Variants in GLIS3 observed in about 807,000 individuals in gnomAD.
GLIS3 encodes the protein zinc finger protein GLIS3.
Under a neutral mutation model 78.6 loss-of-function variants are expected in GLIS3, and 53 were observed. That is an observed-to-expected ratio of 0.67 (90% confidence interval 0.54 to 0.85). The LOEUF (loss-of-function observed/expected upper bound fraction) is 0.85. GLIS3 is among the 40% of genes least tolerant of loss of function. GLIS3 has a pLI of 0.00. For synonymous variants in GLIS3, 684 were observed against 509.9 expected, an observed-to-expected ratio of 1.34 and a Z score of -4.60; for missense variants, 1,703 against 1,231.1, an observed-to-expected ratio of 1.38 and a Z score of -5.74.
In GLIS3 at chr9:4,095,546, G is replaced by A. The variant is rs149598194; in HGVS notation, c.1710+22222C>T. 5.7e-3 allele frequency among the ~76,000 whole-genome samples: 869 copies of A among 152,272 alleles called. 9 individuals carry two copies. The highest frequency in any genetic ancestry group is 0.015 in the African/African-American group (636 of 41,536). The stretch of plus-strand genomic sequence containing the variant: ...TAAGGATTACTGAATGATGGGTCAA[G>A]CTATATTAGAAGAGGAAGAGTCTGG... On this transcript the variant is annotated intron_variant, in intron 4 of 10. Transcript: ENST00000381971.
At chr9:4,152,243 AC>A (rs1834739769) in intron 2 of GLIS3, 1 of 360,506 alleles carries the variant, frequency 2.8e-6, no homozygotes, top group African/African-American at 2.2e-5. Context: ...GTGACTGGGA[AC>A]CTTTGTGAGG....
At chr9:3,902,418 G>C (rs1419955182) in intron 6 of GLIS3, among the ~76,000 whole-genome samples, 1 of 152,162 alleles carries the variant, frequency 6.6e-6, no homozygotes, top group African/African-American at 2.4e-5. Context: ...AGAATCTCTT[G>C]GGAGGGGTGT....
rs751026026 is a variant in GLIS3 at position 4,299,732 on chromosome 9, TACACACAC to T, written c.-418_-411del. On this transcript the variant is annotated 5_prime_UTR_variant, in exon 1 of 11. Coordinates refer to ENST00000381971, the MANE Select transcript of GLIS3 (RefSeq NM_001042413.2). ...AGCTCATTCTCCCCTGCTACACACATACACACACAAATAATGTTTCTAAAAAGTTCAGT... is the reference window on the plus strand; with the variant it reads ...AGCTCATTCTCCCCTGCTACACACATAAATAATGTTTCTAAAAAGTTCAGT... 1 of 152,266 alleles carries T rather than the reference TACACACAC, an allele frequency of 6.6e-6. No individual in the cohort carries two copies. The highest frequency in any genetic ancestry group is 1.5e-5 in the Non-Finnish European group (1 of 68,094). The allele number at this position is 152,266 out of a possible 1,614,324, so 9.4% of individuals were successfully genotyped here.
the GLIS3 span, among the ~76,000 whole-genome samples, chr9:4,395,531 C>G: frequency 6.6e-6 from 1 of 152,140 alleles, no homozygotes; most frequent in Non-Finnish European, 1.5e-5. Flanking sequence ...CCTGCAACTC[C>G]TGAGTCATTT....
chr9:4,354,912 C>G, the GLIS3 span, among the ~76,000 whole-genome samples: 4 of 152,008 alleles, frequency 2.6e-5, no homozygotes, highest in Non-Finnish European at 4.4e-5. Flanking sequence ...GTCAGGAGAT[C>G]GAGACCATCC....
At chr9:4,472,545 G>C in the GLIS3 span, among the ~76,000 whole-genome samples, 3 of 151,392 alleles carry the variant, frequency 2.0e-5, no homozygotes, top group Non-Finnish European at 4.4e-5. Context: ...CTCATAAGTG[G>C]GAACTGAACA....
chr9:4,028,443 T>C (rs186296983), intron 4 of GLIS3, among the ~76,000 whole-genome samples: 6 of 152,146 alleles, frequency 3.9e-5, no homozygotes, highest in Non-Finnish European at 8.8e-5. Context: ...CAAGAGCATA[T>C]AGGACACTGA....
At chr9:4,314,776 C>T (rs1405672683) in intron 2 of GLIS3, among the ~76,000 whole-genome samples, 1 of 152,196 alleles carries the variant, frequency 6.6e-6, no homozygotes, top group Non-Finnish European at 1.5e-5. Context: ...GGATTTTGGG[C>T]AAGTTCCTTT....
chr9:4,395,568 C>T, the GLIS3 span, among the ~76,000 whole-genome samples: 1 of 152,082 alleles, frequency 6.6e-6, no homozygotes, highest in Non-Finnish European at 1.5e-5. Context: ...GAAGGTGATA[C>T]CTCTCCTTCG....
the GLIS3 span, among the ~76,000 whole-genome samples, chr9:4,485,964 C>T: frequency 1.1e-4 from 16 of 152,168 alleles, no homozygotes; most frequent in African/African-American, 3.4e-4. Context: ...CTCAGGAATC[C>T]ACCCCCCTTG....
the GLIS3 span, among the ~76,000 whole-genome samples, chr9:4,409,352 G>A: frequency 9.9e-5 from 15 of 152,214 alleles, no homozygotes; most frequent in East Asian, 3.9e-4. Context: ...GAAATGGGAC[G>A]TCAGAATAAT....
At chr9:4,102,954 A>G (rs1278219332) in intron 4 of GLIS3, among the ~76,000 whole-genome samples, 2 of 152,122 alleles carry the variant, frequency 1.3e-5, no homozygotes, top group Non-Finnish European at 2.9e-5. Flanking sequence ...GAGGCAATAG[A>G]AAGGAAAAAT....
chr9:4,452,667 A>T, the GLIS3 span, among the ~76,000 whole-genome samples: 26 of 152,218 alleles, frequency 1.7e-4, no homozygotes, highest in African/African-American at 6.3e-4. Flanking sequence ...AGGAAATAAG[A>T]GAGGACACAA....
intron 2 of GLIS3, among the ~76,000 whole-genome samples, chr9:4,245,059 C>T (rs1298964623): frequency 4.6e-5 from 7 of 152,202 alleles, no homozygotes; most frequent in African/African-American, 1.7e-4. Flanking sequence ...CATCAAAAGA[C>T]TGGTAAATAA....
intron 9 of GLIS3, among the ~76,000 whole-genome samples, chr9:3,844,306 A>G (rs1228592513): frequency 4.6e-5 from 7 of 152,310 alleles, no homozygotes; most frequent in Non-Finnish European, 1.0e-4. Context: ...CCATATTTAT[A>G]AGGGTAATTC....
intron 4 of GLIS3, among the ~76,000 whole-genome samples, chr9:4,084,657 C>T (rs924458806): frequency 2.0e-5 from 3 of 152,186 alleles, no homozygotes; most frequent in African/African-American, 7.2e-5. Flanking sequence ...TTACCACACA[C>T]TGCTCTTTGT....
intron 2 of GLIS3, among the ~76,000 whole-genome samples, chr9:4,227,504 C>G (rs1821875083): frequency 6.6e-6 from 1 of 152,018 alleles, no homozygotes; most frequent in Non-Finnish European, 1.5e-5. Flanking sequence ...TTCTCTGGGC[C>G]AAAGAATACT....
At chr9:4,302,791 T>A (rs919672521), upstream of GLIS3, among the ~76,000 whole-genome samples, 3 of 152,302 alleles carry the variant, frequency 2.0e-5, no homozygotes, top group Admixed American at 2.0e-4. Context: ...AAGCATCTTG[T>A]GGTCAGTGTT....
At chr9:4,250,739 G>C (rs1824292650) in intron 2 of GLIS3, among the ~76,000 whole-genome samples, 2 of 152,116 alleles carry the variant, frequency 1.3e-5, no homozygotes, top group Non-Finnish European at 2.9e-5. Context: ...ACCTTCTTTT[G>C]TGGGCATTTG....
Sources: gnomAD v4.1 joint callset for allele counts (sites outside exome capture counted in the v4.1 genomes callset) on GRCh38, gnomAD v4.1.1 for gene constraint, MANE v1.5 for transcripts, NCBI Gene and HGNC (gene_info 2026-07-23, HGNC 2026-07-21) for gene names.